SNRNP40: variants seen among roughly 807,000 people sequenced by gnomAD.
SNRNP40 encodes the protein U5 small nuclear ribonucleoprotein 40 kDa protein.
In SNRNP40, 21 loss-of-function variants were observed where a neutral mutation model predicts 45.8. The ratio of observed to expected loss-of-function variants is 0.46; its 90% CI spans 0.32 to 0.66. SNRNP40 has a LOEUF of 0.66. SNRNP40 is among the 30% of genes least tolerant of loss of function. The pLI is 0.03. For synonymous variants in SNRNP40, 142 were observed against 163.8 expected, an observed-to-expected ratio of 0.87 and a Z score of 1.01; for missense variants, 344 against 439.1, an observed-to-expected ratio of 0.78 and a Z score of 1.94.
intron 9 of SNRNP40, chr1:31,260,954 C>G (rs1213035710): frequency 8.8e-7 from 1 of 1,133,468 alleles, no homozygotes; most frequent in Admixed American, 3.8e-5. Context: ...ATTAGACTTA[C>G]CAACTTCCCT....
chr1:31,291,800 G>A, intron 3 of SNRNP40, 113 bp downstream of exon 3: 1 of 703,972 alleles, frequency 1.4e-6, no homozygotes. Flanking sequence ...TACTAAAGTA[G>A]CTACCCAAAA....
chr1:31,285,777 A>G (rs565483321), intron 4 of SNRNP40, among the ~76,000 whole-genome samples: 2 of 152,284 alleles, frequency 1.3e-5, no homozygotes, highest in South Asian at 4.2e-4. Context: ...TATGAACTCA[A>G]CACTTCTGAA....
At chr1:31,276,131 GA>G (rs751726106) in intron 5 of SNRNP40, among the ~76,000 whole-genome samples, 3 of 152,168 alleles carry the variant, frequency 2.0e-5, no homozygotes, top group Non-Finnish European at 4.4e-5. Flanking sequence ...ACGGTGCTAG[GA>G]ATATTATATC....
At chr1:31,275,044 G>A (rs1402106842) in intron 5 of SNRNP40, among the ~76,000 whole-genome samples, 3 of 152,008 alleles carry the variant, frequency 2.0e-5, no homozygotes, top group Admixed American at 6.5e-5. Context: ...TAAGCCTCTA[G>A]GTGCTTAAAA....
chr1:31,283,253 AG>A, intron 4 of SNRNP40, among the ~76,000 whole-genome samples: 1 of 152,228 alleles, frequency 6.6e-6, no homozygotes, highest in Admixed American at 6.5e-5. Flanking sequence ...AACGAAAAAA[AG>A]AATTCAGTGG....
chr1:31,273,381 C>T (rs1007762025), intron 5 of SNRNP40, among the ~76,000 whole-genome samples: 7 of 152,254 alleles, frequency 4.6e-5, no homozygotes, highest in Admixed American at 3.3e-4. Flanking sequence ...GTGGCTCACT[C>T]CTGTAATTCC....
At chr1:31,275,743 AC>A (rs1372220841) in intron 5 of SNRNP40, among the ~76,000 whole-genome samples, 1 of 152,160 alleles carries the variant, frequency 6.6e-6, no homozygotes, top group Non-Finnish European at 1.5e-5. Flanking sequence ...AAATTCTAAC[AC>A]ATATACAACT....
chr1:31,285,017 T>A (rs1050669517), intron 4 of SNRNP40, among the ~76,000 whole-genome samples: 1 of 152,182 alleles, frequency 6.6e-6, no homozygotes, highest in East Asian at 1.9e-4. Flanking sequence ...TTTGTCTCAA[T>A]AGATACTTCA....
intron 4 of SNRNP40, among the ~76,000 whole-genome samples, chr1:31,286,992 A>G (rs1259910368): frequency 6.6e-6 from 1 of 152,252 alleles, no homozygotes; most frequent in Admixed American, 6.5e-5. Context: ...AGAAGAATGC[A>G]CTTGATAAAA....
chr1:31,278,843 TG>T (rs1244691708), intron 5 of SNRNP40, among the ~76,000 whole-genome samples: 6 of 152,028 alleles, frequency 3.9e-5, no homozygotes, highest in Non-Finnish European at 8.8e-5. Flanking sequence ...TCTTGGGGAA[TG>T]TACACAGCGA....
At chr1:31,294,978 G>A (rs1274207492) in intron 1 of SNRNP40, among the ~76,000 whole-genome samples, 3 of 151,890 alleles carry the variant, frequency 2.0e-5, no homozygotes, top group African/African-American at 7.3e-5. Context: ...CTAGGCACTG[G>A]GCAAACAGCA....
At chr1:31,260,955 C>G in intron 9 of SNRNP40, 1 of 1,135,876 alleles carries the variant, frequency 8.8e-7, no homozygotes, top group Non-Finnish European at 1.1e-6. Flanking sequence ...TTAGACTTAC[C>G]AACTTCCCTT....
intron 6 of SNRNP40, chr1:31,271,166 T>C (rs528718414): frequency 2.0e-4 from 93 of 469,262 alleles, no homozygotes; most frequent in Non-Finnish European, 1.8e-4. Context: ...TCCAATCTTC[T>C]TATCAATGTA....
intron 8 of SNRNP40, chr1:31,261,846 A>C (rs1645861219): frequency 4.8e-6 from 2 of 418,236 alleles, no homozygotes; most frequent in Admixed American, 4.1e-5. Flanking sequence ...ATAACTAAAA[A>C]TATAAGCATG....
At chr1:31,273,423 CCTGAGGTCAGGAGTT>C (rs150126376) in intron 5 of SNRNP40, among the ~76,000 whole-genome samples, 8,523 of 152,176 alleles carry the variant, frequency 0.056, 464 homozygotes, top group East Asian at 0.21. Flanking sequence ...GGTTGGATCA[CCTGAGGTCAGGAGTT>C]CAAGACCAGC....
intron 9 of SNRNP40, chr1:31,260,935 T>A (rs10914338): frequency 0.56 from 543,747 of 967,604 alleles, 155,804 homozygotes; most frequent in Non-Finnish European, 0.59. Flanking sequence ...GAAGTAAATT[T>A]AAAAAAAAAT....
At chr1:31,274,895 C>A (rs1243743373) in intron 5 of SNRNP40, among the ~76,000 whole-genome samples, 1 of 152,096 alleles carries the variant, frequency 6.6e-6, no homozygotes, top group Non-Finnish European at 1.5e-5. Context: ...GTTCCCACTC[C>A]TTATTTGTTT....
intron 3 of SNRNP40, among the ~76,000 whole-genome samples, chr1:31,290,742 G>C (rs1341870349): frequency 6.6e-6 from 1 of 152,024 alleles, no homozygotes; most frequent in South Asian, 2.1e-4. Flanking sequence ...GCCGGGCATG[G>C]TGGCGGGCAC....
At chr1:31,288,276 A>C (rs1646076380) in intron 4 of SNRNP40, among the ~76,000 whole-genome samples, 1 of 152,234 alleles carries the variant, frequency 6.6e-6, no homozygotes, top group African/African-American at 2.4e-5. Context: ...TAACAATTAA[A>C]ATATAAACCA....
Sources: allele counts gnomAD v4.1 joint callset (sites outside exome capture counted in the v4.1 genomes callset), GRCh38; gene constraint gnomAD v4.1.1; transcripts MANE v1.5; gene names NCBI Gene and HGNC (gene_info 2026-07-23, HGNC 2026-07-21).